The following KLRK1 variants were observed in gnomAD, a reference collection of about 807,000 sequenced individuals.
KLRK1 encodes killer cell lectin like receptor K1.
Under a neutral mutation model 31.3 loss-of-function variants are expected in KLRK1, and 40 were observed. The observed-to-expected ratio is 1.28, with a 90% confidence interval of 0.99 to 1.67. The LOEUF (loss-of-function observed/expected upper bound fraction) is 1.67, where lower values mean the gene tolerates loss of function less well. Among genes scored for constraint, KLRK1 ranks in the 40% most tolerant of loss-of-function variants. KLRK1 has a pLI of 0.00. For missense variants in KLRK1, 251 were observed against 260.0 expected (o/e 0.97, Z 0.24); for synonymous variants, 77 against 77.3 (o/e 1.00, Z 0.02).
Position 10,385,262 on chromosome 12 carries a change from T to C in KLRK1, c.148+1641A>G, listed in dbSNP as rs190106747. ...CTCCAATGGAAAGGAAATCAGTATATTGAAGTAACGTCTGCACCCCCATGT... is the reference window on the plus strand; with the variant it reads ...CTCCAATGGAAAGGAAATCAGTATACTGAAGTAACGTCTGCACCCCCATGT... On this transcript the variant is annotated intron_variant, in intron 3 of 7. Coordinates refer to ENST00000240618, the MANE Select transcript of KLRK1 (RefSeq NM_007360.4). Among the ~76,000 whole-genome samples the C allele has an allele frequency of 2.0e-5, 3 of 151,942 alleles. No individual in the cohort carries two copies. The East Asian group carries it at 5.8e-4, about 29-fold the overall frequency.
chr12:10,379,587 G>A, intron 4 of KLRK1, 105 bp from the exon 5 acceptor site: 5 of 1,329,038 alleles, frequency 3.8e-6, no homozygotes, highest in Non-Finnish European at 5.1e-6. Flanking sequence ...ATGTGACAAA[G>A]ATACATTTAA....
Position 10,389,994 on chromosome 12 carries a change from A to T in KLRK1, c.-117T>A, listed in dbSNP as rs1863245281. On this transcript the variant is annotated 5_prime_UTR_variant, in exon 1 of 8. Coordinates refer to ENST00000240618, the MANE Select transcript of KLRK1 (RefSeq NM_007360.4). ...CTTGTGGATAAAAGCCTTCTATAAA[A>T]CTAGAAAATTTAGATATGTCCTCAG... 6.6e-6 allele frequency: 1 copy of T among 152,104 alleles called. No individual in the cohort carries two copies. The highest frequency in any genetic ancestry group is 2.1e-4 in the South Asian group (1 of 4,832). The allele number at this position is 152,104 out of a possible 1,614,324, so 9.4% of individuals were successfully genotyped here. A position where few individuals can be genotyped will look rare whatever the true frequency, so the allele number is the denominator to read the frequency against.
intron 7 of KLRK1, among the ~76,000 whole-genome samples, chr12:10,377,528 A>G (rs1862988928): frequency 6.6e-6 from 1 of 152,144 alleles, no homozygotes; most frequent in African/African-American, 2.4e-5. Context: ...GACATTGCAA[A>G]TGATATATAT....
chr12:10,387,722 T>C (rs539589915), intron 2 of KLRK1, among the ~76,000 whole-genome samples: 126 of 152,216 alleles, frequency 8.3e-4, no homozygotes, highest in Non-Finnish European at 1.4e-3. Context: ...ATTTTTGTAT[T>C]TTTAGTACAG....
In KLRK1 at chr12:10,372,358, G is replaced by A. The variant is rs1862877475; in HGVS notation, c.*756C>T. The A allele has an allele frequency of 6.6e-6, 1 of 152,190 alleles. No homozygotes were observed. The highest frequency in any genetic ancestry group is 6.5e-5 in the Admixed American group (1 of 15,278). The allele number at this position is 152,190 out of a possible 1,614,324, so 9.4% of individuals were successfully genotyped here. On this transcript the variant is annotated 3_prime_UTR_variant, in exon 8 of 8. Coordinates refer to ENST00000240618, the MANE Select transcript of KLRK1 (RefSeq NM_007360.4). Reference sequence around the variant, plus strand: ...AAATATCATCAAACAAGATATGCATGAGACTCAAGATTCTATTTATTCAGA... The same window carrying A: ...AAATATCATCAAACAAGATATGCATAAGACTCAAGATTCTATTTATTCAGA...
chr12:10,388,835 C>T lies in KLRK1; in HGVS notation c.-25G>A. On this transcript the variant is annotated 5_prime_UTR_variant, in exon 2 of 8. Transcript: ENST00000240618. ...TCAAATACTTATAAGTGCACGTCTA[C>T]CGCAGAGAGGAATCTAAAGTCTTCA... 6.2e-7 allele frequency: 1 copy of T among 1,613,520 alleles called. No homozygotes were observed. Among genetic ancestry groups the T allele is most frequent in the Non-Finnish European group, 8.5e-7 (1 of 1,179,720 alleles).
chr12:10,379,278 T>A, intron 5 of KLRK1, 169 bp downstream of exon 5: 1 of 225,986 alleles, frequency 4.4e-6, no homozygotes, highest in African/African-American at 2.3e-5. Context: ...AAGTAGCCTC[T>A]ACTTTTTACA....
At chr12:10,378,097 T>C in intron 7 of KLRK1, 35 bp downstream of exon 7, 1 of 1,581,662 alleles carries the variant, frequency 6.3e-7, no homozygotes, top group Non-Finnish European at 8.6e-7. Context: ...AGGAAAAAAA[T>C]TAAAAAGAAG....
At chr12:10,387,441 AAAG>A (rs1461325193) in intron 2 of KLRK1, among the ~76,000 whole-genome samples, 1 of 152,174 alleles carries the variant, frequency 6.6e-6, no homozygotes, top group Non-Finnish European at 1.5e-5. Context: ...AAGAAATAAA[AAAG>A]AAAAGGATAC....
chr12:10,373,151 G>T lies in KLRK1; in HGVS notation c.614C>A (p.Thr205Asn), dbSNP rs774483937. ...TTGCATGCAGATGTACGTATTTGGA[G>T]TTGAACAGTTTTCTATATAGCCTTT... ...SFKGYIENCSTPNTYICMQRT... is the reference protein window; with the variant it reads ...SFKGYIENCSNPNTYICMQRT... Residue 205 changes from threonine (T) to asparagine (N), a missense_variant, in exon 8 of 8, where the codon ACT becomes AAT. Physicochemically the swap from Thr to Asn is moderately conservative, Grantham distance 65 (BLOSUM62 0). Coordinates refer to ENST00000240618, the MANE Select transcript of KLRK1 (RefSeq NM_007360.4). The T allele has an allele frequency of 6.2e-7, 1 of 1,612,108 alleles. No individual in the cohort carries two copies. The highest frequency in any genetic ancestry group is 1.1e-5 in the South Asian group (1 of 90,608).
At chr12:10,385,738 A>G (rs1011636416) in intron 3 of KLRK1, among the ~76,000 whole-genome samples, 1 of 152,040 alleles carries the variant, frequency 6.6e-6, no homozygotes, top group African/African-American at 2.4e-5. Flanking sequence ...GTATATTTTC[A>G]GATAGCTAGA....
intron 3 of KLRK1, among the ~76,000 whole-genome samples, chr12:10,380,167 G>A (rs1471990882): frequency 7.1e-6 from 1 of 140,516 alleles, no homozygotes; most frequent in Non-Finnish European, 1.5e-5. Context: ...CTGGGTTCAC[G>A]CCATTCTCCT....
At position 10,388,831 on chromosome 12, in the gene KLRK1, T is replaced by C; in HGVS notation, c.-21A>G. 2 of 1,613,776 alleles carry C rather than the reference T, an allele frequency of 1.2e-6. No individual in the cohort carries two copies. Among genetic ancestry groups the C allele is most frequent in the Non-Finnish European group, 1.7e-6 (2 of 1,179,844 alleles). The stretch of plus-strand genomic sequence containing the variant: ...CCCATCAAATACTTATAAGTGCACG[T>C]CTACCGCAGAGAGGAATCTAAAGTC... On this transcript the variant is annotated 5_prime_UTR_variant, in exon 2 of 8. Coordinates refer to ENST00000240618, the MANE Select transcript of KLRK1 (RefSeq NM_007360.4).
intron 3 of KLRK1, among the ~76,000 whole-genome samples, chr12:10,386,041 T>A (rs1863162212): frequency 6.6e-6 from 1 of 151,504 alleles, no homozygotes; most frequent in African/African-American, 2.4e-5. Flanking sequence ...TCATGGCGTA[T>A]AAGGATACCA....
chr12:10,372,973 G>T lies in KLRK1; in HGVS notation c.*141C>A. ...TGCAGTGAAATTGTTCTATGGTTTG[G>T]TCCTGTGGAGTCTAAGAAATCTGAC... is the stretch of plus-strand genomic sequence containing the variant. On this transcript the variant is annotated 3_prime_UTR_variant, in exon 8 of 8. Transcript: ENST00000240618. 1 of 692,714 alleles carries T rather than the reference G, an allele frequency of 1.4e-6. No homozygotes were observed. Among genetic ancestry groups the T allele is most frequent in the Non-Finnish European group, 2.5e-6 (1 of 406,622 alleles). The allele number at this position is 692,714 out of a possible 1,614,324, so 42.9% of individuals were successfully genotyped here.
intron 2 of KLRK1, among the ~76,000 whole-genome samples, chr12:10,388,280 G>A (rs1481183112): frequency 6.6e-6 from 1 of 152,092 alleles, no homozygotes; most frequent in Admixed American, 6.5e-5. Flanking sequence ...TTAATATAAT[G>A]TTACCAACTG....
intron 7 of KLRK1, among the ~76,000 whole-genome samples, chr12:10,374,970 T>A (rs1199527845): frequency 6.6e-6 from 1 of 152,176 alleles, no homozygotes; most frequent in Admixed American, 6.5e-5. Flanking sequence ...AAAAATTTTG[T>A]CCTTGTAGAT....
intron 2 of KLRK1, 41 bp downstream of exon 2, chr12:10,388,730 G>C (rs763797902): frequency 6.2e-7 from 1 of 1,612,542 alleles, no homozygotes; most frequent in Non-Finnish European, 8.5e-7. Context: ...TCTTAAAATT[G>C]TATAAAAACA....
At chr12:10,388,453 G>A (rs2294148) in intron 2 of KLRK1, among the ~76,000 whole-genome samples, 8,862 of 152,182 alleles carry the variant, frequency 0.058, 561 homozygotes, top group South Asian at 0.27. Flanking sequence ...GTTGCAAATT[G>A]ACCCTTCAAA....
Sources: gnomAD v4.1 joint callset for allele counts (sites outside exome capture counted in the v4.1 genomes callset) on GRCh38, gnomAD v4.1.1 for gene constraint, MANE v1.5 for transcripts, NCBI Gene and HGNC (gene_info 2026-07-23, HGNC 2026-07-21) for gene names.